PRTFDC1: variants seen among roughly 807,000 people sequenced by gnomAD.
PRTFDC1 encodes the protein phosphoribosyl transferase domain containing 1.
PRTFDC1 carries 38 observed loss-of-function variants against 34.6 expected under a neutral mutation model. The ratio of observed to expected loss-of-function variants is 1.10; its 90% CI spans 0.85 to 1.44. PRTFDC1 has a LOEUF of 1.44. Among genes scored for constraint, PRTFDC1 ranks in the 40% most tolerant of loss-of-function variants. The pLI, the probability that PRTFDC1 is intolerant of heterozygous loss-of-function variation, is 0.00. For synonymous variants in PRTFDC1, 93 were observed against 98.1 expected (o/e 0.95, Z 0.31); for missense variants, 270 against 283.0 (o/e 0.95, Z 0.33).
intron 3 of PRTFDC1, among the ~76,000 whole-genome samples, chr10:24,872,738 A>T (rs1033223260): frequency 2.7e-5 from 4 of 147,732 alleles, no homozygotes; most frequent in Non-Finnish European, 5.9e-5. Flanking sequence ...ATATATATAT[A>T]TACAAATATA....
intron 3 of PRTFDC1, among the ~76,000 whole-genome samples, chr10:24,896,375 C>A (rs144442679): frequency 1.3e-5 from 2 of 152,228 alleles, no homozygotes; most frequent in East Asian, 1.9e-4. Flanking sequence ...ATCCCCCAAC[C>A]CTTCCCTAGT....
chr10:24,856,841 A>C, intron 6 of PRTFDC1, 72 bp downstream of exon 6: 1 of 1,311,424 alleles, frequency 7.6e-7, no homozygotes, highest in Non-Finnish European at 1.1e-6. Flanking sequence ...TGGAAAGAGC[A>C]TCCTGTGTTA....
rs554253691 is a variant in PRTFDC1 at position 24,849,383 on chromosome 10, G to A, written c.*461C>T. On this transcript the variant is annotated 3_prime_UTR_variant, in exon 9 of 9. Coordinates refer to ENST00000320152, the MANE Select transcript of PRTFDC1 (RefSeq NM_020200.7). ...TTTAAAATATGGGAATCTATTAATA[G>A]CTGCATTCCCGGTATAGGGGACTCA... The A allele has an allele frequency of 6.5e-6, 1 of 153,090 alleles. No homozygotes were observed. Among genetic ancestry groups the A allele is most frequent in the South Asian group, 2.1e-4 (1 of 4,830 alleles). The allele number at this position is 153,090 out of a possible 1,614,324, so 9.5% of individuals were successfully genotyped here.
intron 3 of PRTFDC1, among the ~76,000 whole-genome samples, chr10:24,880,414 A>G (rs1319931846): frequency 6.6e-6 from 1 of 151,708 alleles, no homozygotes; most frequent in Non-Finnish European, 1.5e-5. Context: ...GCCCAGCTAA[A>G]TTTTTTGTTG....
Position 24,942,339 on chromosome 10 carries a change from A to C in PRTFDC1, c.146T>G (p.Ile49Ser). Residue 49 changes from isoleucine to serine, a missense_variant, in exon 2 of 9, where the codon ATT becomes AGT. Transcript: ENST00000320152. Reference sequence around the variant, plus strand: ...AGGAAATCACACTCACCTGTCCACAATGATACCATGAGGGATGAGGACATA... The same window carrying C: ...AGGAAATCACACTCACCTGTCCACACTGATACCATGAGGGATGAGGACATA... ...LEYVLIPHGI[I>S]VDRIERLAKD... is the part of the protein sequence containing the mutation. 1 of 1,610,588 alleles carries C rather than the reference A, an allele frequency of 6.2e-7. No homozygotes were observed. Among genetic ancestry groups the C allele is most frequent in the East Asian group, 2.2e-5 (1 of 44,858 alleles).
In PRTFDC1 at chr10:24,952,550, G is replaced by C; in HGVS notation, c.26C>G (p.Pro9Arg). ...TACCACGACGCCTCGCCCGTAGTCT[G>C]GCGCCTCCTCGCTGCTCCCGGCCAT... is the stretch of plus-strand genomic sequence containing the variant. Reference protein sequence around the residue: MAGSSEEAPDYGRGVVIMD... With the variant: MAGSSEEARDYGRGVVIMD... The change falls in exon 1 of 9, where the codon CCA (proline) becomes CGA (arginine). Residue 9 changes from proline (P) to arginine (R), a missense_variant. Transcript: ENST00000320152. The surrounding 1 kb of genome is among the most constrained non-coding windows in gnomAD (Gnocchi z 5.1). The C allele has an allele frequency of 6.3e-7, 1 of 1,592,066 alleles. No individual in the cohort carries two copies. The highest frequency in any genetic ancestry group is 1.1e-5 in the South Asian group (1 of 87,402).
At chr10:24,894,646 C>T (rs1195036360) in intron 3 of PRTFDC1, among the ~76,000 whole-genome samples, 1 of 152,290 alleles carries the variant, frequency 6.6e-6, no homozygotes, top group East Asian at 1.9e-4. Flanking sequence ...TCTGCGATCC[C>T]CAGGGCAGCT....
chr10:24,900,853 A>G (rs761767986), intron 3 of PRTFDC1, among the ~76,000 whole-genome samples: 10 of 152,196 alleles, frequency 6.6e-5, no homozygotes, highest in Non-Finnish European at 1.5e-4. Flanking sequence ...ATAAAAATCT[A>G]TGCATAAAGC....
chr10:24,875,611 T>C (rs1847949293), intron 3 of PRTFDC1, among the ~76,000 whole-genome samples: 1 of 152,202 alleles, frequency 6.6e-6, no homozygotes, highest in African/African-American at 2.4e-5. Flanking sequence ...GGAATTTATA[T>C]CTTCCAAGTG....
chr10:24,917,488 C>G (rs1848712089), intron 3 of PRTFDC1, among the ~76,000 whole-genome samples: 1 of 152,180 alleles, frequency 6.6e-6, no homozygotes, highest in South Asian at 2.1e-4. Context: ...ATTCTTTCTC[C>G]ATGGGAATGT....
chr10:24,935,562 G>T (rs901923044), intron 3 of PRTFDC1, among the ~76,000 whole-genome samples: 2 of 152,166 alleles, frequency 1.3e-5, no homozygotes, highest in Non-Finnish European at 2.9e-5. Flanking sequence ...CCTGAAGACC[G>T]CTGTCCCCTG....
intron 3 of PRTFDC1, among the ~76,000 whole-genome samples, chr10:24,934,214 AAAGAAGAAG>A (rs57514580): frequency 6.1e-5 from 9 of 146,760 alleles, no homozygotes; most frequent in South Asian, 4.4e-4. Context: ...TACTGGACAC[AAAGAAGAAG>A]AAGAAGAAGA....
chr10:24,937,007 A>G (rs958225235), intron 3 of PRTFDC1, among the ~76,000 whole-genome samples, 177 bp downstream of exon 3: 2 of 152,184 alleles, frequency 1.3e-5, no homozygotes, highest in African/African-American at 4.8e-5. Flanking sequence ...CCCACGCCCT[A>G]AATAGTATCA....
intron 1 of PRTFDC1, among the ~76,000 whole-genome samples, chr10:24,949,090 G>T (rs1466697496): frequency 6.6e-6 from 1 of 152,004 alleles, no homozygotes; most frequent in Non-Finnish European, 1.5e-5. Context: ...ATTATTACCT[G>T]CCCTCTGCCC....
intron 3 of PRTFDC1, among the ~76,000 whole-genome samples, chr10:24,880,529 A>G (rs1291207037): frequency 1.3e-5 from 2 of 152,066 alleles, no homozygotes; most frequent in Non-Finnish European, 1.5e-5. Flanking sequence ...TGGTTTTGTG[A>G]TTTATTCTTT....
chr10:24,903,955 C>G (rs1204766568), intron 3 of PRTFDC1, among the ~76,000 whole-genome samples: 1 of 151,912 alleles, frequency 6.6e-6, no homozygotes, highest in African/African-American at 2.4e-5. Flanking sequence ...TCGCAAAGGG[C>G]TGGGATTACA....
intron 3 of PRTFDC1, among the ~76,000 whole-genome samples, chr10:24,901,233 A>G (rs901989099): frequency 2.1e-4 from 32 of 152,184 alleles, no homozygotes; most frequent in African/African-American, 7.5e-4. Flanking sequence ...GCAGGGTAAC[A>G]TCAAGTCAAT....
At chr10:24,850,915 A>G (rs972151550) in intron 8 of PRTFDC1, among the ~76,000 whole-genome samples, 9 of 152,164 alleles carry the variant, frequency 5.9e-5, no homozygotes, top group Non-Finnish European at 8.8e-5. Context: ...TAGATCATGC[A>G]GTGTTGGTCA....
intron 1 of PRTFDC1, among the ~76,000 whole-genome samples, chr10:24,948,006 A>G (rs1849278658): frequency 6.6e-6 from 1 of 152,124 alleles, no homozygotes; most frequent in Admixed American, 6.5e-5. Context: ...ACCACCTCCT[A>G]TCCACATGCC....
Sources: allele counts gnomAD v4.1 joint callset (sites outside exome capture counted in the v4.1 genomes callset), GRCh38; gene constraint gnomAD v4.1.1; non-coding constraint Gnocchi (gnomAD v3.1); transcripts MANE v1.5; gene names NCBI Gene and HGNC (gene_info 2026-07-23, HGNC 2026-07-21).